Variants in LRRTM4 observed in about 807,000 individuals in gnomAD.
LRRTM4 encodes the protein leucine rich repeat transmembrane neuronal 4, also known as leucine-rich repeat transmembrane neuronal protein 4.
LRRTM4 carries 25 observed loss-of-function variants against 47.6 expected under a neutral mutation model. The ratio of observed to expected loss-of-function variants is 0.53; its 90% confidence interval spans 0.38 to 0.73. LRRTM4 has a LOEUF of 0.73. Among genes scored for constraint, LRRTM4 ranks in the 30% least tolerant of loss-of-function variants. The probability of loss-of-function intolerance (pLI) is 0.00; values close to 1 mark genes in which losing one functional copy is unlikely to be tolerated. For synonymous variants in LRRTM4, 311 were observed against 269.5 expected (o/e 1.15, Z -1.51); for missense variants, 638 against 713.4 (o/e 0.89, Z 1.20).
intron 3 of LRRTM4, among the ~76,000 whole-genome samples, chr2:77,183,767 T>C (rs560653686): frequency 1.5e-4 from 23 of 152,118 alleles, no homozygotes; most frequent in African/African-American, 5.3e-4. Context: ...AAGCAATGAG[T>C]TCATGTCCTT....
At chr2:77,438,393 ATTTTTTT>A (rs70956631) in intron 3 of LRRTM4, among the ~76,000 whole-genome samples, 5 of 100,186 alleles carry the variant, frequency 5.0e-5, no homozygotes, top group African/African-American at 1.8e-4. Context: ...GATCATGATA[ATTTTTTT>A]TTTTTTTTTT....
intron 3 of LRRTM4, among the ~76,000 whole-genome samples, chr2:77,458,133 T>C (rs1676633592): frequency 1.3e-5 from 2 of 152,106 alleles, no homozygotes; most frequent in African/African-American, 2.4e-5. Context: ...CCCCTCAGAG[T>C]ACAGACAGTC....
In LRRTM4 at chr2:77,351,992, C is replaced by T. The variant is rs376089569; in HGVS notation, c.1551+166326G>A. ...TTTATTAATGAAGTCACCTTCATCACATGTTTGAAATATGTGACAGTGTAA... is the reference window on the plus strand; with the variant it reads ...TTTATTAATGAAGTCACCTTCATCATATGTTTGAAATATGTGACAGTGTAA... On this transcript the variant is annotated intron_variant, in intron 3 of 3. Coordinates refer to ENST00000409884, the MANE Select transcript of LRRTM4 (RefSeq NM_001134745.3). Among the ~76,000 whole-genome samples, 73 of 152,180 alleles carry T rather than the reference C, an allele frequency of 4.8e-4. 1 individual carries two copies. In the South Asian group the frequency reaches 0.015, roughly 31 times the overall value.
intron 3 of LRRTM4, among the ~76,000 whole-genome samples, chr2:77,292,549 GA>G (rs1676855451): frequency 1.3e-5 from 2 of 152,058 alleles, no homozygotes. Context: ...CCTTTGTAGG[GA>G]CATGGATGAA....
At chr2:76,843,958 G>C (rs1327693632) in intron 3 of LRRTM4, among the ~76,000 whole-genome samples, 1 of 146,282 alleles carries the variant, frequency 6.8e-6, no homozygotes, top group Admixed American at 7.1e-5. Flanking sequence ...CTGGAGTGCA[G>C]TGGCGTGATC....
At chr2:77,480,822 G>GTGTGGAGAGAGAGAGA (rs1222517611) in intron 3 of LRRTM4, among the ~76,000 whole-genome samples, 10 of 74,522 alleles carry the variant, frequency 1.3e-4, no homozygotes, top group Non-Finnish European at 2.4e-4. Flanking sequence ...GTGTGTGTGT[G>GTGTGGAGAGAGAGAGA]GAGAGAGAGA....
At chr2:77,507,717 A>G (rs1678831196) in intron 3 of LRRTM4, among the ~76,000 whole-genome samples, 1 of 152,122 alleles carries the variant, frequency 6.6e-6, no homozygotes, top group Non-Finnish European at 1.5e-5. Flanking sequence ...GTGGTTGAGA[A>G]TATTTGGTCT....
In LRRTM4 at chr2:76,885,494, G is replaced by A. The variant is rs540960764; in HGVS notation, c.1552-136578C>T. 4.4e-5 allele frequency among the ~76,000 whole-genome samples: 6 copies of A among 135,508 alleles called. No individual in the cohort carries two copies. The South Asian group carries it at 1.4e-3, about 31-fold the overall frequency. 88.9% of individuals were successfully genotyped at this position (135,508 alleles called of 152,430 possible). ...TTTTTTTTTTTTGAGACGAAGTCTCGCTCTGTCGCCCAGGCTGGAGTGCAG... is the reference window on the plus strand; with the variant it reads ...TTTTTTTTTTTTGAGACGAAGTCTCACTCTGTCGCCCAGGCTGGAGTGCAG... On this transcript the variant is annotated intron_variant, in intron 3 of 3. Transcript: ENST00000409884.
intron 3 of LRRTM4, among the ~76,000 whole-genome samples, chr2:77,124,966 A>C (rs574728901): frequency 2.0e-5 from 3 of 152,330 alleles, no homozygotes; most frequent in South Asian, 4.1e-4. Context: ...CTAGTTAAGC[A>C]GGACATGTTT....
chr2:77,350,287 C>T (rs1671714160), intron 3 of LRRTM4, among the ~76,000 whole-genome samples: 1 of 120,270 alleles, frequency 8.3e-6, no homozygotes, highest in African/African-American at 3.1e-5. Context: ...GATTGCGCCA[C>T]TGCAGTCCGC....
At chr2:77,162,129 G>A (rs894051676) in intron 3 of LRRTM4, among the ~76,000 whole-genome samples, 19 of 152,186 alleles carry the variant, frequency 1.2e-4, no homozygotes, top group African/African-American at 4.6e-4. Flanking sequence ...CCCTAATACT[G>A]TGCTTTTCCA....
chr2:77,403,897 C>T lies in LRRTM4; in HGVS notation c.1551+114421G>A, dbSNP rs964677106. Among the ~76,000 whole-genome samples, 5 of 145,056 alleles carry T rather than the reference C, an allele frequency of 3.4e-5. 1 individual carries two copies. Among genetic ancestry groups the T allele is most frequent in the African/African-American group, 8.5e-5 (3 of 35,376 alleles). ...ATATATATATATATTTTAGGAAAGG[C>T]GATTTCATTGAGAGGCTTTTCTTTT... On this transcript the variant is annotated intron_variant, in intron 3 of 3. Transcript: ENST00000409884.
At chr2:76,926,141 C>T (rs1328811658) in intron 3 of LRRTM4, among the ~76,000 whole-genome samples, 1 of 151,974 alleles carries the variant, frequency 6.6e-6, no homozygotes, top group Admixed American at 6.6e-5. Flanking sequence ...AAATTGTCTC[C>T]TTCTTTTGGA....
At chr2:76,879,347 A>G (rs1672864630) in intron 3 of LRRTM4, among the ~76,000 whole-genome samples, 1 of 152,164 alleles carries the variant, frequency 6.6e-6, no homozygotes, top group Non-Finnish European at 1.5e-5. Flanking sequence ...GTTGCAGCCA[A>G]TGCTCATTTA....
chr2:77,316,811 G>A lies in LRRTM4; in HGVS notation c.1551+201507C>T, dbSNP rs114068664. Among the ~76,000 whole-genome samples the A allele has an allele frequency of 3.9e-3, 589 of 152,248 alleles. 5 individuals are homozygous for A. Among genetic ancestry groups the A allele is most frequent in the African/African-American group, 0.013 (537 of 41,526 alleles). ...TCCACCTGCCTTGGCCTCTCAAAAC[G>A]ATGAGATTATATGCGTGAGCCACTG... On this transcript the variant is annotated intron_variant, in intron 3 of 3. Transcript: ENST00000409884.
intron 3 of LRRTM4, among the ~76,000 whole-genome samples, chr2:77,345,517 G>A (rs1558698693): frequency 1.3e-5 from 2 of 151,870 alleles, no homozygotes; most frequent in African/African-American, 4.8e-5. Flanking sequence ...CATTGAAGGA[G>A]ATATACAGAT....
chr2:77,502,181 G>A (rs1268340848), intron 3 of LRRTM4, among the ~76,000 whole-genome samples: 2 of 151,314 alleles, frequency 1.3e-5, no homozygotes, highest in Non-Finnish European at 3.0e-5. Flanking sequence ...TCACAAGAGA[G>A]TAAGCAAAAA....
At chr2:77,197,798 T>C (rs1438371968) in intron 3 of LRRTM4, among the ~76,000 whole-genome samples, 1 of 152,176 alleles carries the variant, frequency 6.6e-6, no homozygotes, top group Admixed American at 6.6e-5. Context: ...TGATACAGAG[T>C]GACAGACTGA....
intron 3 of LRRTM4, among the ~76,000 whole-genome samples, chr2:76,960,356 T>C (rs1345603753): frequency 2.0e-5 from 3 of 151,720 alleles, no homozygotes; most frequent in Non-Finnish European, 3.0e-5. Context: ...TGTTTTATGA[T>C]TTTCTATTTT....
Sources: gnomAD v4.1 joint callset for allele counts (sites outside exome capture counted in the v4.1 genomes callset) on GRCh38, gnomAD v4.1.1 for gene constraint, MANE v1.5 for transcripts, NCBI Gene and HGNC (gene_info 2026-07-23, HGNC 2026-07-21) for gene names.